The following ZNRF3 variants were observed in gnomAD, a reference collection of about 807,000 sequenced individuals.
The protein encoded by ZNRF3 is E3 ubiquitin-protein ligase ZNRF3.
Under a neutral mutation model 72.5 loss-of-function variants are expected in ZNRF3, and 23 were observed. The observed-to-expected ratio is 0.32, with a 90% CI of 0.23 to 0.45. The LOEUF is 0.45. Among genes scored for constraint, ZNRF3 ranks in the 20% least tolerant of loss-of-function variants. The pLI is 1.00. For missense variants in ZNRF3, 1,169 were observed against 1,272.1 expected (o/e 0.92, Z 1.23); for synonymous variants, 610 against 545.3 (o/e 1.12, Z -1.65).
intron 1 of ZNRF3, among the ~76,000 whole-genome samples, chr22:28,969,306 C>T (rs1206623848): frequency 6.6e-6 from 1 of 152,166 alleles, no homozygotes; most frequent in Non-Finnish European, 1.5e-5. Context: ...CTGTTCTGTT[C>T]TTTTTTTCCC....
At chr22:28,961,233 C>T (rs2035352369) in intron 1 of ZNRF3, among the ~76,000 whole-genome samples, 1 of 152,214 alleles carries the variant, frequency 6.6e-6, no homozygotes. Context: ...TGTCTAATCA[C>T]CTCCCAAGGC....
At chr22:28,918,888 G>C (rs2034461586) in intron 1 of ZNRF3, among the ~76,000 whole-genome samples, 1 of 152,148 alleles carries the variant, frequency 6.6e-6, no homozygotes. Flanking sequence ...TTAACCTTGG[G>C]TTTCCCATCA....
At chr22:29,035,977 G>C in intron 2 of ZNRF3, among the ~76,000 whole-genome samples, 1 of 152,144 alleles carries the variant, frequency 6.6e-6, no homozygotes, top group East Asian at 1.9e-4. Context: ...AAGTAGCTGG[G>C]ATTATAGGTA....
intron 2 of ZNRF3, among the ~76,000 whole-genome samples, chr22:29,027,403 C>T (rs1272391764): frequency 6.6e-6 from 1 of 152,070 alleles, no homozygotes; most frequent in Non-Finnish European, 1.5e-5. Context: ...TGCCTGCCAC[C>T]ATGCCCAGCT....
chr22:28,926,210 T>C (rs567790253), intron 1 of ZNRF3, among the ~76,000 whole-genome samples: 1 of 152,212 alleles, frequency 6.6e-6, no homozygotes, highest in South Asian at 2.1e-4. Context: ...GCACATTCTG[T>C]TCAGAGACTG....
chr22:28,952,580 C>A (rs2035185133), intron 1 of ZNRF3, among the ~76,000 whole-genome samples: 1 of 150,756 alleles, frequency 6.6e-6, no homozygotes, highest in Admixed American at 6.6e-5. Context: ...AGTTTGAAAG[C>A]CAAGTATAAA....
chr22:28,949,849 C>G (rs541546515), intron 1 of ZNRF3, among the ~76,000 whole-genome samples: 1 of 152,268 alleles, frequency 6.6e-6, no homozygotes, highest in South Asian at 2.1e-4. Flanking sequence ...AAAAAGTTGA[C>G]TAGTTTGGCT....
intron 1 of ZNRF3, among the ~76,000 whole-genome samples, chr22:28,884,945 G>A (rs1284784766): frequency 6.6e-6 from 1 of 152,160 alleles, no homozygotes; most frequent in Non-Finnish European, 1.5e-5. Context: ...TTCCTTGGCC[G>A]TGATTTTATC....
chr22:28,942,840 T>A (rs1172054962), intron 1 of ZNRF3, among the ~76,000 whole-genome samples: 7 of 152,186 alleles, frequency 4.6e-5, no homozygotes, highest in Admixed American at 1.3e-4. Context: ...TCCTCTTCTG[T>A]GTGATTGGTG....
intron 1 of ZNRF3, among the ~76,000 whole-genome samples, chr22:28,894,244 C>T (rs1220833046): frequency 6.6e-6 from 1 of 152,032 alleles, no homozygotes; most frequent in Non-Finnish European, 1.5e-5. Context: ...AGGCGTGAGC[C>T]ACTGTGACCC....
At chr22:28,903,504 C>T (rs1041659584) in intron 1 of ZNRF3, among the ~76,000 whole-genome samples, 18 of 152,124 alleles carry the variant, frequency 1.2e-4, no homozygotes, top group African/African-American at 3.6e-4. Flanking sequence ...TTAATCTTAA[C>T]CCCCCAAATT....
intron 5 of ZNRF3, among the ~76,000 whole-genome samples, chr22:29,045,585 G>C (rs1006936377): frequency 6.6e-6 from 1 of 152,086 alleles, no homozygotes; most frequent in Non-Finnish European, 1.5e-5. Flanking sequence ...ACCTCCCGGG[G>C]TCAACTGAGT....
intron 1 of ZNRF3, among the ~76,000 whole-genome samples, chr22:28,893,373 G>A (rs1458498124): frequency 6.6e-6 from 1 of 152,076 alleles, no homozygotes; most frequent in East Asian, 1.9e-4. Context: ...TTATGCACCC[G>A]TGGTATAATT....
intron 1 of ZNRF3, among the ~76,000 whole-genome samples, chr22:28,918,400 T>C (rs1224737521): frequency 6.6e-6 from 1 of 152,218 alleles, no homozygotes; most frequent in Non-Finnish European, 1.5e-5. Flanking sequence ...CCCCACAGCC[T>C]TCCTCGTAAC....
chr22:29,014,417 G>A (rs769294589), intron 2 of ZNRF3, among the ~76,000 whole-genome samples: 4 of 152,168 alleles, frequency 2.6e-5, no homozygotes, highest in Non-Finnish European at 5.9e-5. Flanking sequence ...TGTGATTCCT[G>A]ATGTAGGTGA....
At chr22:28,931,759 C>A (rs1334134489) in intron 1 of ZNRF3, among the ~76,000 whole-genome samples, 1 of 152,222 alleles carries the variant, frequency 6.6e-6, no homozygotes, top group Non-Finnish European at 1.5e-5. Flanking sequence ...GTGGAGCCAA[C>A]ATTGTACTAG....
At chr22:28,969,480 G>A (rs2035532421) in intron 1 of ZNRF3, among the ~76,000 whole-genome samples, 1 of 152,196 alleles carries the variant, frequency 6.6e-6, no homozygotes, top group South Asian at 2.1e-4. Flanking sequence ...CAAGCCTAGT[G>A]AGGGTAGATT....
At chr22:28,980,042 G>T (rs540801325) in intron 1 of ZNRF3, among the ~76,000 whole-genome samples, 2 of 152,212 alleles carry the variant, frequency 1.3e-5, no homozygotes, top group Non-Finnish European at 2.9e-5. Context: ...TTGATGGAAC[G>T]TCTACTGGTG....
rs771912706 is a variant in ZNRF3, at chr22:29,056,909, G to A, written c.*3287G>A. 3 of 152,140 alleles carry A rather than the reference G, an allele frequency of 2.0e-5. No homozygotes were observed. The highest frequency in any genetic ancestry group is 7.2e-5 in the African/African-American group (3 of 41,428). The allele number at this position is 152,140 out of a possible 1,614,324, so 9.4% of individuals were successfully genotyped here. A position where few individuals can be genotyped will look rare whatever the true frequency, so the allele number is the denominator to read the frequency against. On this transcript the variant is annotated 3_prime_UTR_variant, in exon 9 of 9. Coordinates refer to ENST00000544604, the MANE Select transcript of ZNRF3 (RefSeq NM_001206998.2). ...ACTTATGTGCTGCTAGTCTCTACTC[G>A]AAGTTCGTGCAGGACTAATGCTTTT...
Sources: gnomAD v4.1 joint callset for allele counts (sites outside exome capture counted in the v4.1 genomes callset) on GRCh38, gnomAD v4.1.1 for gene constraint, MANE v1.5 for transcripts, NCBI Gene and HGNC (gene_info 2026-07-23, HGNC 2026-07-21) for gene names.